Variants in GPC6 observed in about 807,000 individuals in gnomAD.
GPC6 encodes the protein glypican 6, also known as glypican-6.
In GPC6, 14 loss-of-function variants were observed where a neutral mutation model predicts 55.2. The observed-to-expected ratio is 0.25, with a 90% CI of 0.17 to 0.40. GPC6 has a LOEUF of 0.40. Among genes scored for constraint, GPC6 ranks in the 10% least tolerant of loss-of-function variants. GPC6 has a pLI of 1.00. For missense variants in GPC6, 641 were observed against 708.5 expected, an observed-to-expected ratio of 0.90 and a Z score of 1.08; for synonymous variants, 278 against 259.6, an observed-to-expected ratio of 1.07 and a Z score of -0.68.
At chr13:94,247,800 C>T (rs1332917501) in intron 4 of GPC6, among the ~76,000 whole-genome samples, 1 of 151,776 alleles carries the variant, frequency 6.6e-6, no homozygotes, top group Non-Finnish European at 1.5e-5. Context: ...GAGATATTGG[C>T]CTGTTGTTTT....
intron 5 of GPC6, among the ~76,000 whole-genome samples, chr13:94,299,932 C>A (rs2139103557): frequency 6.6e-6 from 1 of 152,236 alleles, no homozygotes; most frequent in South Asian, 2.1e-4. Context: ...AGTAATCTAA[C>A]AGTTCATTCA....
intron 2 of GPC6, among the ~76,000 whole-genome samples, chr13:93,675,713 A>G (rs1351917839): frequency 2.0e-5 from 3 of 152,134 alleles, no homozygotes; most frequent in Admixed American, 1.3e-4. Flanking sequence ...GCAAACCCTC[A>G]GACTATTTTA....
intron 2 of GPC6, among the ~76,000 whole-genome samples, chr13:93,691,699 C>A (rs1422811942): frequency 6.6e-6 from 1 of 151,910 alleles, no homozygotes; most frequent in African/African-American, 2.4e-5. Context: ...TTATATAAGG[C>A]CAATAGCTTA....
At chr13:93,662,030 CA>C (rs1433628790) in intron 2 of GPC6, among the ~76,000 whole-genome samples, 2 of 152,146 alleles carry the variant, frequency 1.3e-5, no homozygotes, top group African/African-American at 4.8e-5. Context: ...CAAAACTGTT[CA>C]GAAAGACAAC....
At chr13:93,948,162 C>T (rs1180044717) in intron 3 of GPC6, among the ~76,000 whole-genome samples, 1 of 152,120 alleles carries the variant, frequency 6.6e-6, no homozygotes, top group Non-Finnish European at 1.5e-5. Context: ...TAACAACAGA[C>T]ACTTTTCTCC....
intron 2 of GPC6, among the ~76,000 whole-genome samples, chr13:93,608,732 C>T (rs566610386): frequency 2.0e-5 from 3 of 152,222 alleles, no homozygotes; most frequent in Admixed American, 6.5e-5. Context: ...TGTCCTGCCA[C>T]GTTCAGGGAG....
At chr13:94,159,651 A>T (rs1472962821) in intron 4 of GPC6, among the ~76,000 whole-genome samples, 1 of 152,178 alleles carries the variant, frequency 6.6e-6, no homozygotes, top group African/African-American at 2.4e-5. Context: ...AAACAATATC[A>T]ACCAGGAAAC....
intron 4 of GPC6, among the ~76,000 whole-genome samples, chr13:94,182,449 C>T (rs950772117): frequency 4.6e-5 from 7 of 152,090 alleles, no homozygotes; most frequent in Non-Finnish European, 1.0e-4. Flanking sequence ...AACTTTTGTG[C>T]TTCTGTAAGG....
At chr13:93,641,891 A>G (rs9524157) in intron 2 of GPC6, among the ~76,000 whole-genome samples, 30,220 of 152,062 alleles carry the variant, frequency 0.2, 3,399 homozygotes, top group Admixed American at 0.26. Flanking sequence ...TGCCAAATGA[A>G]TACTTAATTT....
At chr13:93,421,559 C>T (rs542274271) in intron 1 of GPC6, among the ~76,000 whole-genome samples, 1 of 152,212 alleles carries the variant, frequency 6.6e-6, no homozygotes, top group African/African-American at 2.4e-5. Flanking sequence ...GGGAATATCC[C>T]TCACACTGTT....
At chr13:94,193,053 G>C (rs775174486) in intron 4 of GPC6, among the ~76,000 whole-genome samples, 37 of 137,796 alleles carry the variant, frequency 2.7e-4, no homozygotes, top group Non-Finnish European at 5.3e-4. Context: ...TTGAAACGGT[G>C]AGACTCCTCG....
At chr13:94,256,487 C>A (rs1891507555) in intron 4 of GPC6, among the ~76,000 whole-genome samples, 1 of 152,140 alleles carries the variant, frequency 6.6e-6, no homozygotes, top group Non-Finnish European at 1.5e-5. Flanking sequence ...GGAGACTGGG[C>A]AGAGCACTGT....
At chr13:94,366,184 G>A (rs1879280505) in intron 6 of GPC6, among the ~76,000 whole-genome samples, 1 of 152,196 alleles carries the variant, frequency 6.6e-6, no homozygotes, top group Non-Finnish European at 1.5e-5. Context: ...TGAAGGGGTT[G>A]TACATTTGAA....
chr13:93,252,127 T>C (rs2139029650), intron 1 of GPC6, among the ~76,000 whole-genome samples: 1 of 152,328 alleles, frequency 6.6e-6, no homozygotes, highest in East Asian at 1.9e-4. Flanking sequence ...CTGAGAGTTT[T>C]TGATTCAGTA....
intron 5 of GPC6, among the ~76,000 whole-genome samples, chr13:94,301,920 T>C (rs1327318545): frequency 6.6e-6 from 1 of 152,122 alleles, no homozygotes; most frequent in Non-Finnish European, 1.5e-5. Context: ...AAATGTAAAA[T>C]GTTGGGATAC....
chr13:94,318,553 GAA>G (rs1435998509), intron 6 of GPC6, among the ~76,000 whole-genome samples: 3 of 152,174 alleles, frequency 2.0e-5, no homozygotes, highest in East Asian at 3.8e-4. Flanking sequence ...TTGCAATTAA[GAA>G]GAGGCAGGGC....
intron 7 of GPC6, among the ~76,000 whole-genome samples, chr13:94,391,841 T>G (rs1880660059): frequency 6.6e-6 from 1 of 152,212 alleles, no homozygotes; most frequent in Non-Finnish European, 1.5e-5. Context: ...TTCTATTTTC[T>G]GTCTCTTTGA....
intron 1 of GPC6, among the ~76,000 whole-genome samples, chr13:93,445,465 GT>G (rs1877966976): frequency 6.6e-6 from 1 of 152,128 alleles, no homozygotes; most frequent in Admixed American, 6.6e-5. Flanking sequence ...CAGTTCTGAT[GT>G]TTTCAAAGTG....
At chr13:93,671,664 C>T (rs1881364152) in intron 2 of GPC6, among the ~76,000 whole-genome samples, 1 of 151,740 alleles carries the variant, frequency 6.6e-6, no homozygotes, top group Admixed American at 6.6e-5. Context: ...TAAGGATGGC[C>T]CACAGCCCTC....
Sources: allele counts gnomAD v4.1 joint callset (sites outside exome capture counted in the v4.1 genomes callset), GRCh38; gene constraint gnomAD v4.1.1; transcripts MANE v1.5; gene names NCBI Gene and HGNC (gene_info 2026-07-23, HGNC 2026-07-21).